The following DSCAM variants were observed in gnomAD, a reference collection of about 807,000 sequenced individuals.
DSCAM encodes DS cell adhesion molecule.
In DSCAM, 47 loss-of-function variants were observed where a neutral mutation model predicts 217.7. The ratio of observed to expected loss-of-function variants is 0.22; its 90% CI spans 0.17 to 0.28. The LOEUF (loss-of-function observed/expected upper bound fraction) is 0.28, where lower values mean the gene tolerates loss of function less well. Among genes scored for constraint, DSCAM ranks in the 10% least tolerant of loss-of-function variants. The pLI is 1.00. For synonymous variants in DSCAM, 1,056 were observed against 1,015.3 expected, an observed-to-expected ratio of 1.04 and a Z score of -0.76; for missense variants, 2,080 against 2,618.3, an observed-to-expected ratio of 0.79 and a Z score of 4.49.
chr21:40,209,742 C>T (rs1236808710), intron 11 of DSCAM, among the ~76,000 whole-genome samples: 1 of 152,098 alleles, frequency 6.6e-6, no homozygotes, highest in Non-Finnish European at 1.5e-5. Context: ...AGACTTGTCC[C>T]CTCTAGGCCC....
At chr21:40,586,054 A>G (rs1169358421) in intron 3 of DSCAM, among the ~76,000 whole-genome samples, 72 of 152,154 alleles carry the variant, frequency 4.7e-4, no homozygotes, top group Non-Finnish European at 1.3e-4. Flanking sequence ...ACAGGGTTTC[A>G]CCATGTTGGA....
intron 16 of DSCAM, among the ~76,000 whole-genome samples, chr21:40,161,927 A>G (rs1017200103): frequency 6.6e-6 from 1 of 152,220 alleles, no homozygotes; most frequent in Non-Finnish European, 1.5e-5. Flanking sequence ...TCTACTCACT[A>G]TGAAAGTTAC....
intron 8 of DSCAM, among the ~76,000 whole-genome samples, chr21:40,322,899 T>C (rs956711106): frequency 6.6e-6 from 1 of 152,198 alleles, no homozygotes; most frequent in African/African-American, 2.4e-5. Context: ...ATTTGACATC[T>C]ACGTAAGTGG....
At chr21:40,621,171 A>G (rs2089510971) in intron 3 of DSCAM, 1 of 152,230 alleles carries the variant, frequency 6.6e-6, no homozygotes, top group Non-Finnish European at 1.5e-5. Flanking sequence ...CATATGTTCA[A>G]AAGAAGAAAT....
chr21:40,251,153 G>C (rs2073298328), intron 11 of DSCAM, among the ~76,000 whole-genome samples: 1 of 152,180 alleles, frequency 6.6e-6, no homozygotes. Flanking sequence ...GAGTCAAATG[G>C]GCCATCGAGG....
chr21:40,047,618 G>A (rs910517048), intron 30 of DSCAM, among the ~76,000 whole-genome samples: 1 of 152,184 alleles, frequency 6.6e-6, no homozygotes, highest in African/African-American at 2.4e-5. Flanking sequence ...CATGCGTACT[G>A]TGATCATGGT....
chr21:40,647,066 G>A (rs545928423), intron 3 of DSCAM, among the ~76,000 whole-genome samples: 24 of 152,332 alleles, frequency 1.6e-4, no homozygotes, highest in Admixed American at 1.3e-4. Flanking sequence ...TATGCATGGG[G>A]CTATGCAAAT....
intron 1 of DSCAM, among the ~76,000 whole-genome samples, chr21:40,790,180 CTTTTTTTTTT>C (rs771986567): frequency 1.6e-5 from 2 of 125,400 alleles, no homozygotes; most frequent in East Asian, 4.8e-4. Flanking sequence ...TTCTTTCTTT[CTTTTTTTTTT>C]TTTTTTTTTT....
At chr21:40,733,498 G>T (rs2091033513) in intron 1 of DSCAM, among the ~76,000 whole-genome samples, 2 of 152,154 alleles carry the variant, frequency 1.3e-5, no homozygotes, top group African/African-American at 4.8e-5. Flanking sequence ...AGAGGCCAGG[G>T]ATGTGGCCAA....
chr21:40,539,240 C>T (rs1601726960), intron 3 of DSCAM, among the ~76,000 whole-genome samples: 1 of 152,036 alleles, frequency 6.6e-6, no homozygotes, highest in Non-Finnish European at 1.5e-5. Flanking sequence ...CGCGGTGGCT[C>T]ACGCTGGTAA....
rs1257270086 is a variant in DSCAM at position 40,296,120 on chromosome 21, G to A, written c.2117C>T (p.Ala706Val). 6.2e-6 allele frequency: 10 copies of A among 1,614,140 alleles called. No homozygotes were observed. Among genetic ancestry groups the A allele is most frequent in the Non-Finnish European group, 7.6e-6 (9 of 1,179,976 alleles). The change falls in exon 10 of 33, where the codon GCA (alanine) becomes GTA (valine). Residue 706 changes from alanine to valine, a missense_variant. Coordinates refer to ENST00000400454, the MANE Select transcript of DSCAM (RefSeq NM_001389.5). ...CTCAGCAGAACAATTGAGGATGACT[G>A]CTTTGCCATAAATCCCGTCCTGGTC... The part of the protein sequence containing the change: ...PRDQDGIYGK[A>V]VILNCSAEGY...
chr21:40,270,246 G>A (rs978063950), intron 11 of DSCAM, among the ~76,000 whole-genome samples: 1 of 152,150 alleles, frequency 6.6e-6, no homozygotes, highest in African/African-American at 2.4e-5. Flanking sequence ...AGAAATTTAT[G>A]CTTAAACAAT....
chr21:40,269,468 G>A (rs1420802573), intron 11 of DSCAM, among the ~76,000 whole-genome samples: 1 of 152,206 alleles, frequency 6.6e-6, no homozygotes, highest in Admixed American at 6.5e-5. Flanking sequence ...GATCTGGCCT[G>A]TGGTGGGCTT....
At chr21:40,840,252 C>T (rs1224301032) in intron 1 of DSCAM, among the ~76,000 whole-genome samples, 1 of 152,036 alleles carries the variant, frequency 6.6e-6, no homozygotes, top group Non-Finnish European at 1.5e-5. Flanking sequence ...CCCATAAATC[C>T]ATAGGATGCT....
At chr21:40,104,164 C>T (rs1029275271) in intron 20 of DSCAM, among the ~76,000 whole-genome samples, 3 of 152,004 alleles carry the variant, frequency 2.0e-5, no homozygotes, top group African/African-American at 7.3e-5. Context: ...ATACCACCTG[C>T]CATGAAAATT....
intron 32 of DSCAM, among the ~76,000 whole-genome samples, chr21:40,039,859 AAAG>A (rs1345217340): frequency 2.6e-5 from 4 of 152,116 alleles, no homozygotes; most frequent in African/African-American, 9.7e-5. Context: ...GACCATCAGA[AAAG>A]AAGCTCTAAA....
At chr21:40,599,705 G>C (rs765979379) in intron 3 of DSCAM, among the ~76,000 whole-genome samples, 5 of 152,082 alleles carry the variant, frequency 3.3e-5, no homozygotes, top group Non-Finnish European at 7.3e-5. Context: ...AAAATAGATA[G>C]ATTGCTAGAT....
At chr21:40,041,544 T>C (rs1218317012) in intron 32 of DSCAM, among the ~76,000 whole-genome samples, 2 of 152,206 alleles carry the variant, frequency 1.3e-5, no homozygotes, top group East Asian at 1.9e-4. Context: ...GAGTCTTTTC[T>C]TTTAGACAGT....
chr21:40,488,998 T>C (rs1332979182), intron 3 of DSCAM, among the ~76,000 whole-genome samples: 1 of 152,226 alleles, frequency 6.6e-6, no homozygotes, highest in Non-Finnish European at 1.5e-5. Context: ...TCATGGGCAC[T>C]ATTCTCTAGG....
Sources: gnomAD v4.1 joint callset for allele counts (sites outside exome capture counted in the v4.1 genomes callset) on GRCh38, gnomAD v4.1.1 for gene constraint, MANE v1.5 for transcripts, NCBI Gene and HGNC (gene_info 2026-07-23, HGNC 2026-07-21) for gene names.